The following ZNF407 variants were observed in gnomAD, a reference collection of about 807,000 sequenced individuals.
ZNF407 encodes zinc finger protein 407.
Under a neutral mutation model 131.2 loss-of-function variants are expected in ZNF407, and 17 were observed. The ratio of observed to expected loss-of-function variants is 0.13; its 90% CI spans 0.09 to 0.19. The LOEUF is 0.19. ZNF407 is among the 10% of genes least tolerant of loss of function. The probability of loss-of-function intolerance (pLI) is 1.00; values close to 1 mark genes in which losing one functional copy is unlikely to be tolerated. For missense variants in ZNF407, 2,681 were observed against 2,830.6 expected, an observed-to-expected ratio of 0.95 and a Z score of 1.20; for synonymous variants, 1,156 against 1,062.0, an observed-to-expected ratio of 1.09 and a Z score of -1.72.
At chr18:74,977,849 G>A (rs1357272139) in intron 8 of ZNF407, among the ~76,000 whole-genome samples, 1 of 152,188 alleles carries the variant, frequency 6.6e-6, no homozygotes, top group Non-Finnish European at 1.5e-5. Context: ...GTGGTTGCTA[G>A]GATTTGGGAT....
At chr18:74,912,634 T>A (rs546090749) in intron 7 of ZNF407, among the ~76,000 whole-genome samples, 8 of 152,342 alleles carry the variant, frequency 5.3e-5, no homozygotes, top group African/African-American at 1.7e-4. Flanking sequence ...TCAAATCTAG[T>A]ATTTAATGTG....
At chr18:75,013,875 A>G (rs908436572) in intron 8 of ZNF407, among the ~76,000 whole-genome samples, 1 of 152,178 alleles carries the variant, frequency 6.6e-6, no homozygotes, top group African/African-American at 2.4e-5. Context: ...AATGACAGCC[A>G]GAACATCTTT....
chr18:74,852,755 C>A (rs1020130275), intron 4 of ZNF407, among the ~76,000 whole-genome samples: 1 of 152,060 alleles, frequency 6.6e-6, no homozygotes, highest in Non-Finnish European at 1.5e-5. Flanking sequence ...GAAGGCTGTT[C>A]TGAAAAATGA....
chr18:75,026,555 T>C (rs1304036809), intron 8 of ZNF407, among the ~76,000 whole-genome samples: 2 of 152,354 alleles, frequency 1.3e-5, no homozygotes, highest in South Asian at 2.1e-4. Context: ...TTCTGTAAAT[T>C]TGGAACTCTT....
At position 75,030,119 on chromosome 18, in the gene ZNF407, T is replaced by C. The variant is rs181009611; in HGVS notation, c.5429-33031T>C. Among the ~76,000 whole-genome samples the C allele has an allele frequency of 4.6e-5, 7 of 152,296 alleles. No homozygotes were observed. The East Asian group carries it at 1.4e-3, about 29-fold the overall frequency. ...TCAAAGGTCACATGATCTTTGGGGC[T>C]GGGTGGTCATAGAGTATTAAAAGAA... On this transcript the variant is annotated intron_variant, in intron 8 of 8. Coordinates refer to ENST00000299687, the MANE Select transcript of ZNF407 (RefSeq NM_017757.3).
chr18:74,894,756 T>C (rs1971430589), intron 7 of ZNF407, among the ~76,000 whole-genome samples: 1 of 152,148 alleles, frequency 6.6e-6, no homozygotes, highest in South Asian at 2.1e-4. Context: ...TAACCCTACA[T>C]TGCACTTTAA....
chr18:74,600,347 G>T (rs1982526269), intron 1 of ZNF407, among the ~76,000 whole-genome samples: 1 of 152,216 alleles, frequency 6.6e-6, no homozygotes, highest in African/African-American at 2.4e-5. Flanking sequence ...GAATTTTGTT[G>T]CTGGTGACAT....
chr18:74,853,090 T>G (rs1341726617), intron 4 of ZNF407, among the ~76,000 whole-genome samples: 1 of 152,100 alleles, frequency 6.6e-6, no homozygotes, highest in East Asian at 1.9e-4. Context: ...AGGTCCACCT[T>G]TTTCCCTAGG....
At chr18:74,761,476 G>T (rs544774242) in intron 3 of ZNF407, among the ~76,000 whole-genome samples, 2 of 151,994 alleles carry the variant, frequency 1.3e-5, no homozygotes, top group South Asian at 4.2e-4. Flanking sequence ...TAATTGGTTT[G>T]ATATTACAAG....
intron 4 of ZNF407, among the ~76,000 whole-genome samples, chr18:74,876,761 G>A (rs888540530): frequency 1.3e-5 from 2 of 152,190 alleles, no homozygotes; most frequent in Non-Finnish European, 2.9e-5. Flanking sequence ...GTGCTGCAAG[G>A]CCGCCGGGTG....
chr18:74,822,583 G>A (rs906233041), intron 4 of ZNF407, among the ~76,000 whole-genome samples: 1 of 152,096 alleles, frequency 6.6e-6, no homozygotes, highest in African/African-American at 2.4e-5. Flanking sequence ...GTAGATGTGT[G>A]GTGTTATTTC....
chr18:74,931,332 ACATAAAG>A (rs1380251160), intron 8 of ZNF407, among the ~76,000 whole-genome samples: 3 of 152,254 alleles, frequency 2.0e-5, no homozygotes, highest in Admixed American at 1.3e-4. Flanking sequence ...TCCAGAATAT[ACATAAAG>A]CACTCTGTCA....
intron 1 of ZNF407, among the ~76,000 whole-genome samples, chr18:74,606,534 C>T (rs952644175): frequency 1.3e-5 from 2 of 152,150 alleles, no homozygotes; most frequent in African/African-American, 4.8e-5. Flanking sequence ...TGAGCCACTG[C>T]ACCCAGCCTA....
At chr18:74,692,462 T>C (rs1967248695) in intron 3 of ZNF407, among the ~76,000 whole-genome samples, 1 of 152,106 alleles carries the variant, frequency 6.6e-6, no homozygotes, top group Admixed American at 6.5e-5. Context: ...TCAGTGGCAG[T>C]TGGCGGTTGC....
intron 4 of ZNF407, among the ~76,000 whole-genome samples, chr18:74,814,891 A>G (rs879239215): frequency 2.0e-5 from 3 of 152,192 alleles, no homozygotes; most frequent in Admixed American, 6.5e-5. Context: ...GTAGAGATAC[A>G]TTATGAAATA....
chr18:75,006,000 C>T (rs924950881), intron 8 of ZNF407, among the ~76,000 whole-genome samples: 3 of 152,034 alleles, frequency 2.0e-5, no homozygotes, highest in Admixed American at 6.6e-5. Context: ...GTTGAATCTC[C>T]GTTAAAATAA....
intron 7 of ZNF407, among the ~76,000 whole-genome samples, chr18:74,897,143 A>G (rs1230428121): frequency 1.3e-5 from 2 of 152,238 alleles, no homozygotes; most frequent in East Asian, 3.8e-4. Context: ...ACAAGCATTT[A>G]CACTAGGTCT....
chr18:74,686,200 C>T (rs1255966996), intron 3 of ZNF407, among the ~76,000 whole-genome samples: 1 of 152,168 alleles, frequency 6.6e-6, no homozygotes, highest in Non-Finnish European at 1.5e-5. Flanking sequence ...CTTTAACATC[C>T]CTAGACTTTC....
At chr18:74,760,130 G>A (rs973702086) in intron 3 of ZNF407, among the ~76,000 whole-genome samples, 4 of 152,054 alleles carry the variant, frequency 2.6e-5, no homozygotes, top group African/African-American at 9.7e-5. Context: ...ATTTTGTAAC[G>A]TCTGTATTCT....
Sources: gnomAD v4.1 joint callset for allele counts (sites outside exome capture counted in the v4.1 genomes callset) on GRCh38, gnomAD v4.1.1 for gene constraint, MANE v1.5 for transcripts, NCBI Gene and HGNC (gene_info 2026-07-23, HGNC 2026-07-21) for gene names.